The following PTPRD variants were observed in gnomAD, a reference collection of about 807,000 sequenced individuals.
PTPRD encodes protein tyrosine phosphatase receptor type D, also known as receptor-type tyrosine-protein phosphatase delta.
Under a neutral mutation model 214.5 loss-of-function variants are expected in PTPRD, and 34 were observed. The ratio of observed to expected loss-of-function variants is 0.16; its 90% CI spans 0.12 to 0.21. The LOEUF is 0.21. Ranked by LOEUF, PTPRD falls within the 10% of genes least tolerant of loss-of-function variation. PTPRD has a pLI of 1.00. For missense variants in PTPRD, 2,545 were observed against 2,398.7 expected, an observed-to-expected ratio of 1.06 and a Z score of -1.27; for synonymous variants, 1,128 against 845.7, an observed-to-expected ratio of 1.33 and a Z score of -5.79.
At chr9:10,045,651 G>C (rs890412822) in intron 3 of PTPRD, among the ~76,000 whole-genome samples, 4 of 151,520 alleles carry the variant, frequency 2.6e-5, no homozygotes, top group Admixed American at 6.6e-5. Flanking sequence ...ATACTCTTAA[G>C]ATCCACAAAA....
At chr9:9,637,492 G>C (rs1258150512) in intron 7 of PTPRD, among the ~76,000 whole-genome samples, 1 of 152,190 alleles carries the variant, frequency 6.6e-6, no homozygotes, top group East Asian at 1.9e-4. Context: ...AGCATAAATA[G>C]CATTCTTCAA....
intron 14 of PTPRD, among the ~76,000 whole-genome samples, chr9:8,536,994 G>C (rs2077124480): frequency 6.6e-6 from 1 of 151,934 alleles, no homozygotes. Flanking sequence ...TTTCTTTCCA[G>C]AATACAGTCC....
At chr9:8,332,024 C>A (rs1841878142) in intron 43 of PTPRD, among the ~76,000 whole-genome samples, 1 of 152,100 alleles carries the variant, frequency 6.6e-6, no homozygotes. Context: ...CCACATAGTT[C>A]CCCCATTAAC....
At chr9:9,870,146 A>C (rs2065051085) in intron 5 of PTPRD, among the ~76,000 whole-genome samples, 2 of 152,014 alleles carry the variant, frequency 1.3e-5, no homozygotes, top group African/African-American at 4.8e-5. Context: ...GATTGGTAAA[A>C]AGGTAAAATC....
At chr9:9,528,232 T>C (rs1008174454) in intron 8 of PTPRD, among the ~76,000 whole-genome samples, 7 of 152,140 alleles carry the variant, frequency 4.6e-5, no homozygotes, top group South Asian at 4.1e-4. Context: ...TGTGTATTCA[T>C]GAGAGAAAAC....
intron 2 of PTPRD, among the ~76,000 whole-genome samples, chr9:10,438,360 G>T (rs578242709): frequency 9.6e-4 from 146 of 151,688 alleles, no homozygotes; most frequent in African/African-American, 3.5e-3. Flanking sequence ...TGCATTATCA[G>T]TTTATGATAT....
chr9:8,471,137 T>A (rs780485902), intron 30 of PTPRD, 52 bp from the exon 31 acceptor site: 1 of 1,481,646 alleles, frequency 6.7e-7, no homozygotes, highest in Non-Finnish European at 9.4e-7. Context: ...GAGGAAAACG[T>A]GGATATACCC....
At chr9:9,475,344 C>T (rs929620632) in intron 8 of PTPRD, among the ~76,000 whole-genome samples, 2 of 152,158 alleles carry the variant, frequency 1.3e-5, no homozygotes, top group Non-Finnish European at 2.9e-5. Flanking sequence ...CATAAACAAC[C>T]TGTATAGCCT....
chr9:10,513,474 T>A (rs992990277), intron 2 of PTPRD, among the ~76,000 whole-genome samples: 3 of 152,020 alleles, frequency 2.0e-5, no homozygotes, highest in Non-Finnish European at 2.9e-5. Flanking sequence ...GTGGGAAGAA[T>A]CATCAAAGAA....
At chr9:8,577,725 T>A (rs1258484647) in intron 14 of PTPRD, among the ~76,000 whole-genome samples, 1 of 152,192 alleles carries the variant, frequency 6.6e-6, no homozygotes, top group African/African-American at 2.4e-5. Flanking sequence ...TATACTCAAC[T>A]GCAGTAGCTA....
intron 10 of PTPRD, among the ~76,000 whole-genome samples, chr9:9,146,205 G>A (rs528455007): frequency 1.4e-4 from 21 of 152,138 alleles, no homozygotes; most frequent in East Asian, 7.7e-4. Context: ...TTGTTTATTC[G>A]TTAGTACCTG....
intron 9 of PTPRD, among the ~76,000 whole-genome samples, chr9:9,231,998 T>C (rs2099963418): frequency 6.6e-6 from 1 of 152,164 alleles, no homozygotes; most frequent in Non-Finnish European, 1.5e-5. Flanking sequence ...TCTCCACTTT[T>C]TGTAATTTCA....
intron 7 of PTPRD, among the ~76,000 whole-genome samples, chr9:9,694,225 T>A (rs1229686848): frequency 6.6e-6 from 1 of 152,088 alleles, no homozygotes; most frequent in Non-Finnish European, 1.5e-5. Context: ...TGGGCTTGTT[T>A]CTGCCTGTCC....
intron 3 of PTPRD, among the ~76,000 whole-genome samples, chr9:10,204,334 G>A (rs755016430): frequency 1.3e-5 from 2 of 152,076 alleles, no homozygotes; most frequent in Non-Finnish European, 2.9e-5. Context: ...TCCACACCAT[G>A]ACAGTTTATA....
intron 35 of PTPRD, among the ~76,000 whole-genome samples, chr9:8,412,560 A>G (rs2093614847): frequency 6.6e-6 from 1 of 152,170 alleles, no homozygotes; most frequent in Non-Finnish European, 1.5e-5. Flanking sequence ...CAAAGTATTA[A>G]GCGAAAAGTA....
At chr9:8,720,121 G>C (rs1250300463) in intron 12 of PTPRD, among the ~76,000 whole-genome samples, 12 of 152,302 alleles carry the variant, frequency 7.9e-5, no homozygotes, top group African/African-American at 2.9e-4. Flanking sequence ...CTCCCATGTG[G>C]TCACTCATAT....
At position 9,665,973 on chromosome 9, in the gene PTPRD, T is replaced by C. The variant is rs139246919; in HGVS notation, c.-287+68560A>G. Among the ~76,000 whole-genome samples the C allele has an allele frequency of 2.8e-3, 423 of 152,022 alleles. 2 individuals are homozygous for C. Among genetic ancestry groups the C allele is most frequent in the African/African-American group, 9.6e-3 (399 of 41,542 alleles). Reference sequence around the variant, plus strand: ...AGAGGAAAGGAATAAATTATAAAGATATGAAAGTCCTTTATCTTTCCAGTT... The same window carrying C: ...AGAGGAAAGGAATAAATTATAAAGACATGAAAGTCCTTTATCTTTCCAGTT... On this transcript the variant is annotated intron_variant, in intron 7 of 45. Coordinates refer to ENST00000381196, the MANE Select transcript of PTPRD (RefSeq NM_002839.4).
At chr9:8,325,691 C>T (rs1043394513) in intron 44 of PTPRD, among the ~76,000 whole-genome samples, 3 of 152,068 alleles carry the variant, frequency 2.0e-5, no homozygotes, top group East Asian at 1.9e-4. Flanking sequence ...GCCATTTTCA[C>T]GATATTGATT....
At chr9:10,512,723 G>A (rs575006359) in intron 2 of PTPRD, among the ~76,000 whole-genome samples, 8 of 152,074 alleles carry the variant, frequency 5.3e-5, no homozygotes, top group Admixed American at 5.2e-4. Context: ...GTGAGGTTTT[G>A]GAGAAAAATA....
Sources: allele counts gnomAD v4.1 joint callset (sites outside exome capture counted in the v4.1 genomes callset), GRCh38; gene constraint gnomAD v4.1.1; transcripts MANE v1.5; gene names NCBI Gene and HGNC (gene_info 2026-07-23, HGNC 2026-07-21).